The following USH2A variants were observed in gnomAD, a reference collection of about 807,000 sequenced individuals.
USH2A encodes the protein usherin, also known as Usher syndrome 2A (autosomal recessive, mild).
USH2A carries 443 observed loss-of-function variants against 538.9 expected under a neutral mutation model. That is an observed-to-expected ratio of 0.82 (90% CI 0.76 to 0.89). The LOEUF (loss-of-function observed/expected upper bound fraction) is 0.89, where lower values mean the gene tolerates loss of function less well. Ranked by LOEUF, USH2A falls within the 40% of genes least tolerant of loss-of-function variation. The pLI is 0.00. For synonymous variants in USH2A, 2,413 were observed against 2,273.5 expected (o/e 1.06, Z -1.75); for missense variants, 6,633 against 6,324.8 (o/e 1.05, Z -1.65).
chr1:215,832,065 T>C (rs148353634), intron 47 of USH2A, among the ~76,000 whole-genome samples: 137 of 152,090 alleles, frequency 9.0e-4, no homozygotes, highest in African/African-American at 3.0e-3. Flanking sequence ...ACCTATTTTC[T>C]GCACCCACAA....
At chr1:215,910,847 C>G (rs1419062812) in intron 38 of USH2A, among the ~76,000 whole-genome samples, 2 of 151,768 alleles carry the variant, frequency 1.3e-5, no homozygotes, top group African/African-American at 4.8e-5. Context: ...TCTTACCCAT[C>G]CTTGATGACT....
At chr1:216,241,879 A>G (rs2102537790) in intron 13 of USH2A, among the ~76,000 whole-genome samples, 1 of 152,322 alleles carries the variant, frequency 6.6e-6, no homozygotes, top group East Asian at 1.9e-4. Context: ...TACAGACGCA[A>G]CAAAACTCCT....
chr1:215,788,398 C>T (rs954465903), intron 51 of USH2A, among the ~76,000 whole-genome samples: 1 of 152,062 alleles, frequency 6.6e-6, no homozygotes, highest in African/African-American at 2.4e-5. Flanking sequence ...CCCTCTTGCG[C>T]CTTTTCCATT....
chr1:216,223,947 G>A (rs1440216313), intron 14 of USH2A, among the ~76,000 whole-genome samples: 1 of 152,094 alleles, frequency 6.6e-6, no homozygotes. Flanking sequence ...AAAATAATCT[G>A]GGCATAGAAG....
intron 21 of USH2A, among the ~76,000 whole-genome samples, chr1:216,133,575 G>T (rs530184560): frequency 5.8e-4 from 88 of 152,204 alleles, no homozygotes; most frequent in African/African-American, 2.0e-3. Context: ...ACTTCCCTCA[G>T]CTGAGGAATT....
intron 47 of USH2A, among the ~76,000 whole-genome samples, chr1:215,821,046 A>G (rs565374780): frequency 2.0e-5 from 3 of 152,006 alleles, no homozygotes; most frequent in South Asian, 4.1e-4. Flanking sequence ...ACTGCAATAA[A>G]CATGGGAGTA....
intron 59 of USH2A, among the ~76,000 whole-genome samples, chr1:215,742,676 G>T (rs1660339075): frequency 2.0e-5 from 3 of 152,056 alleles, no homozygotes; most frequent in Admixed American, 2.0e-4. Flanking sequence ...AAATTTCACT[G>T]ACCACAGCCT....
At chr1:215,892,682 TA>T (rs1279843435) in intron 40 of USH2A, among the ~76,000 whole-genome samples, 1 of 152,092 alleles carries the variant, frequency 6.6e-6, no homozygotes, top group Non-Finnish European at 1.5e-5. Flanking sequence ...CTTGTGATAA[TA>T]AAGAGGGTAC....
At chr1:215,661,415 T>C (rs113528341) in intron 64 of USH2A, among the ~76,000 whole-genome samples, 151 of 152,300 alleles carry the variant, frequency 9.9e-4, no homozygotes, top group African/African-American at 3.6e-3. Flanking sequence ...CTTTCTTCCA[T>C]TGTCCCTGCA....
At chr1:215,629,837 G>C (rs926672106) in intron 70 of USH2A, among the ~76,000 whole-genome samples, 6 of 144,058 alleles carry the variant, frequency 4.2e-5, no homozygotes, top group Middle Eastern at 3.7e-3. Context: ...GTGCAGTGGT[G>C]CAATCTCGGC....
At chr1:216,064,500 G>GTT (rs569843254) in intron 30 of USH2A, among the ~76,000 whole-genome samples, 17 of 143,310 alleles carry the variant, frequency 1.2e-4, no homozygotes, top group African/African-American at 1.3e-4. Flanking sequence ...GCTAGGGATT[G>GTT]TTTTTTTTTT....
intron 58 of USH2A, among the ~76,000 whole-genome samples, chr1:215,749,865 G>A (rs1051498350): frequency 6.6e-6 from 1 of 152,072 alleles, no homozygotes; most frequent in Non-Finnish European, 1.5e-5. Context: ...TCCTTGCAAT[G>A]CTCCTTTTCA....
At chr1:215,763,971 T>C (rs1403228067) in intron 56 of USH2A, among the ~76,000 whole-genome samples, 1 of 152,040 alleles carries the variant, frequency 6.6e-6, no homozygotes, top group Non-Finnish European at 1.5e-5. Flanking sequence ...GCTTAGGTGA[T>C]AGGTAGGTGG....
chr1:216,291,231 C>G (rs1441238319), intron 10 of USH2A, among the ~76,000 whole-genome samples: 3 of 152,152 alleles, frequency 2.0e-5, no homozygotes, highest in Admixed American at 1.3e-4. Flanking sequence ...TCTCTTACCA[C>G]CAGCCATTTG....
At chr1:215,910,224 C>T (rs983650658) in intron 38 of USH2A, among the ~76,000 whole-genome samples, 3 of 151,906 alleles carry the variant, frequency 2.0e-5, no homozygotes, top group Non-Finnish European at 4.4e-5. Context: ...TGTCACTCTC[C>T]TTTATGTTCA....
rs192047831 is a variant in USH2A, at chr1:216,174,439, G to A, written c.4627+813C>T. 39 of 985,276 alleles carry A rather than the reference G, an allele frequency of 4.0e-5. No individual in the cohort carries two copies. Among genetic ancestry groups the A allele is most frequent in the Middle Eastern group, 5.2e-4 (1 of 1,914 alleles). The allele number at this position is 985,276 out of a possible 1,614,324, so 61.0% of individuals were successfully genotyped here. A position where few individuals can be genotyped will look rare whatever the true frequency, so the allele number is the denominator to read the frequency against. The stretch of plus-strand genomic sequence containing the variant: ...GGTCATGGGACTTCCAAAATATTGC[G>A]GTACTAGTAAGGCCAGGAGGAGGGT... On this transcript the variant is annotated intron_variant, in intron 21 of 71. Transcript: ENST00000307340.
At position 216,197,925 on chromosome 1, in the gene USH2A, G is replaced by A. The variant is rs372254267; in HGVS notation, c.4081+390C>T. Among the ~76,000 whole-genome samples, 15 of 152,192 alleles carry A rather than the reference G, an allele frequency of 9.9e-5. No homozygotes were observed. The South Asian group carries it at 3.1e-3, about 32-fold the overall frequency. On this transcript the variant is annotated intron_variant, in intron 18 of 71. Transcript: ENST00000307340. Reference sequence around the variant, plus strand: ...GATAAATAAAAACAAAGACAAATTTGTGGAATTGGTGACAGTTATCTCTTT... The same window carrying A: ...GATAAATAAAAACAAAGACAAATTTATGGAATTGGTGACAGTTATCTCTTT...
In USH2A at chr1:215,671,240, C is replaced by T. The variant is rs1657805957; in HGVS notation, c.13865G>A (p.Trp4622Ter). The part of the protein sequence containing the change: ...CTTLGCASSD[W>*]TFIQTPEIAP... ...AATCTCAGGGGTCTGTATGAATGTCCAGTCACTTGATGCACATCCCAGGGT... is the reference window on the plus strand; with the variant it reads ...AATCTCAGGGGTCTGTATGAATGTCTAGTCACTTGATGCACATCCCAGGGT... Residue 4622 changes from tryptophan to a stop codon, truncating the protein, a stop_gained, in exon 64 of 72, where the codon TGG (tryptophan) becomes TAG (stop). Coordinates refer to ENST00000307340, the MANE Select transcript of USH2A (RefSeq NM_206933.4). LOFTEE classifies it high-confidence loss of function. 6.2e-7 allele frequency: 1 copy of T among 1,613,986 alleles called. No individual in the cohort carries two copies.
At chr1:216,260,620 G>C (rs1047747243) in intron 11 of USH2A, among the ~76,000 whole-genome samples, 1 of 152,148 alleles carries the variant, frequency 6.6e-6, no homozygotes, top group African/African-American at 2.4e-5. Context: ...TCATGAATTA[G>C]AGGTATTCCA....
Sources: gnomAD v4.1 joint callset for allele counts (sites outside exome capture counted in the v4.1 genomes callset) on GRCh38, gnomAD v4.1.1 for gene constraint, MANE v1.5 for transcripts, NCBI Gene and HGNC (gene_info 2026-07-23, HGNC 2026-07-21) for gene names.